MROH1: variants seen among roughly 807,000 people sequenced by gnomAD.
MROH1 encodes the protein maestro heat like repeat family member 1, also known as maestro heat-like repeat-containing protein family member 1.
MROH1 carries 117 observed loss-of-function variants against 116.5 expected under a neutral mutation model. The observed-to-expected ratio is 1.00, with a 90% CI of 0.86 to 1.17. MROH1 has a LOEUF of 1.17. MROH1 is among the 50% of genes most tolerant of loss of function. The pLI, the probability that MROH1 is intolerant of heterozygous loss-of-function variation, is 0.00. For missense variants in MROH1, 1,873 were observed against 1,338.5 expected (o/e 1.40, Z -6.23); for synonymous variants, 921 against 583.9 (o/e 1.58, Z -8.32).
intron 3 of MROH1, among the ~76,000 whole-genome samples, chr8:144,164,407 CAAAAAA>C (rs202061294): frequency 1.1e-5 from 1 of 93,678 alleles, no homozygotes; most frequent in Non-Finnish European, 2.3e-5. Flanking sequence ...TCGGTCCCCC[CAAAAAA>C]AAAAAAAAAA....
At chr8:144,231,277 A>T (rs1838831735) in intron 14 of MROH1, among the ~76,000 whole-genome samples, 1 of 151,922 alleles carries the variant, frequency 6.6e-6, no homozygotes, top group South Asian at 2.1e-4. Context: ...TTTCTATTCC[A>T]CAAAGCCGCC....
In MROH1 at chr8:144,191,895, C is replaced by T. The variant is rs199847015; in HGVS notation, c.855+40C>T. 6.3e-5 allele frequency: 102 copies of T among 1,610,310 alleles called. No homozygotes were observed. The African/African-American group carries it at 1.2e-3, about 19-fold the overall frequency. ...GGCAGGTCTACTGTCCCCGAGGACC[C>T]CTCCAATCAGACTCCCCGGGGGTGG... On this transcript the variant is annotated intron_variant, in intron 9 of 43. Transcript: ENST00000326134.
At position 144,180,654 on chromosome 8, in the gene MROH1, C is replaced by A. The variant is rs1195795310; in HGVS notation, c.562+131C>A. The A allele has an allele frequency of 4.7e-6, 4 of 857,530 alleles. No individual in the cohort carries two copies. In the East Asian group the frequency reaches 1.1e-4, roughly 23 times the overall value. 53.1% of individuals were successfully genotyped at this position (857,530 alleles called of 1,614,324 possible). A position where few individuals can be genotyped will look rare whatever the true frequency, so the allele number is the denominator to read the frequency against. On this transcript the variant is annotated intron_variant, in intron 7 of 43. Coordinates refer to ENST00000326134, the MANE Select transcript of MROH1 (RefSeq NM_032450.3). This position sits in a 1 kb window ranked among gnomAD's most constrained non-coding sequence, Gnocchi z 7.4. The stretch of plus-strand genomic sequence containing the variant: ...AAGGGGGGCTGTTGGAGGGAGGGGC[C>A]CCCTGGCTGAGGCTGCTGGCTGGTT...
chr8:144,244,040 G>T, intron 26 of MROH1, 98 bp downstream of exon 26: 1 of 721,730 alleles, frequency 1.4e-6, no homozygotes, highest in Non-Finnish European at 2.6e-6. Context: ...GCATGTGCGT[G>T]TGTGTGCCTG....
At chr8:144,220,829 T>C in intron 13 of MROH1, among the ~76,000 whole-genome samples, 156 bp downstream of exon 13, 1 of 152,192 alleles carries the variant, frequency 6.6e-6, no homozygotes, top group East Asian at 1.9e-4. Flanking sequence ...CCATTCAGTG[T>C]GTGGCTGGTG....
In MROH1 at chr8:144,199,609, T is replaced by C. The variant is rs377546145; in HGVS notation, c.1027+409T>C. 3.7e-4 allele frequency among the ~76,000 whole-genome samples: 57 copies of C among 152,298 alleles called. No individual in the cohort carries two copies. In the East Asian group the frequency reaches 9.6e-3, roughly 26 times the overall value. ...TCCCATGACCCACCTGGAGGTGCCA[T>C]GCATCCTGTCACCACCCCCACTGGA... On this transcript the variant is annotated intron_variant, in intron 11 of 43. Transcript: ENST00000326134.
chr8:144,179,145 G>A (rs547888270), intron 4 of MROH1, among the ~76,000 whole-genome samples: 1 of 152,180 alleles, frequency 6.6e-6, no homozygotes, highest in South Asian at 2.1e-4. Flanking sequence ...GGAGGTGGAA[G>A]GGTCCTGGGA....
rs949183580 is a variant in MROH1 at position 144,243,483 on chromosome 8, C to A, written c.2353-11C>A. Reference sequence around the variant, plus strand: ...GGCGTGGGCGTCTCCTGTAGCCCTGCGTCCCTGCAGGACCCAGCCCTGAAG... The same window carrying A: ...GGCGTGGGCGTCTCCTGTAGCCCTGAGTCCCTGCAGGACCCAGCCCTGAAG... On this transcript the variant is annotated splice_polypyrimidine_tract_variant and intron_variant, in intron 24 of 43. Transcript: ENST00000326134. 5.1e-6 allele frequency: 4 copies of A among 778,942 alleles called. No homozygotes were observed. The highest frequency in any genetic ancestry group is 2.6e-4 in the Middle Eastern group (1 of 3,900). 48.3% of individuals were successfully genotyped at this position (778,942 alleles called of 1,614,324 possible). A position where few individuals can be genotyped will look rare whatever the true frequency, so the allele number is the denominator to read the frequency against.
chr8:144,168,889 G>T (rs1821702151), intron 4 of MROH1, among the ~76,000 whole-genome samples: 1 of 152,218 alleles, frequency 6.6e-6, no homozygotes, highest in Non-Finnish European at 1.5e-5. Flanking sequence ...TCAGGGAGGG[G>T]CTGCCCAGGA....
At chr8:144,178,697 A>G (rs985648908) in intron 4 of MROH1, among the ~76,000 whole-genome samples, 4 of 152,196 alleles carry the variant, frequency 2.6e-5, no homozygotes, top group Non-Finnish European at 4.4e-5. Context: ...GGGAGGGGCC[A>G]TGGTGGGTGC....
At chr8:144,217,203 G>A (rs1232998204) in intron 12 of MROH1, among the ~76,000 whole-genome samples, 1 of 152,160 alleles carries the variant, frequency 6.6e-6, no homozygotes, top group Non-Finnish European at 1.5e-5. Flanking sequence ...ATTTAGTCAG[G>A]AGTGACAGGG....
intron 1 of MROH1, among the ~76,000 whole-genome samples, chr8:144,153,003 T>A (rs1817210380): frequency 6.6e-6 from 1 of 152,204 alleles, no homozygotes; most frequent in South Asian, 2.1e-4. Flanking sequence ...ATTGACCCTG[T>A]GACCAACATC....
rs1248283315 is a variant in MROH1, at chr8:144,234,518, T to G, written c.1339-4238T>G. On this transcript the variant is annotated intron_variant, in intron 14 of 43. Coordinates refer to ENST00000326134, the MANE Select transcript of MROH1 (RefSeq NM_032450.3). ...TTTTCGTTTTTTTTTTTTTTTTTTT[T>G]TTTTTTTTTTTTTTTTCAAAAAGAG... is the stretch of plus-strand genomic sequence containing the variant. 3.7e-4 allele frequency among the ~76,000 whole-genome samples: 33 copies of G among 89,898 alleles called. 1 individual carries two copies. Among genetic ancestry groups the G allele is most frequent in the African/African-American group, 1.2e-3 (30 of 24,194 alleles). The allele number at this position is 89,898 out of a possible 152,430, so 59.0% of individuals were successfully genotyped here. A position where few individuals can be genotyped will look rare whatever the true frequency, so the allele number is the denominator to read the frequency against.
At chr8:144,212,609 T>G (rs1054911956) in intron 12 of MROH1, among the ~76,000 whole-genome samples, 18 of 39,320 alleles carry the variant, frequency 4.6e-4, no homozygotes, top group African/African-American at 1.2e-3. Context: ...TTTTTTTTTT[T>G]GAGACAGTCT....
intron 12 of MROH1, among the ~76,000 whole-genome samples, chr8:144,218,179 TCATAAACAGGCCGCCCTG>T (rs1835695727): frequency 1.3e-5 from 2 of 152,122 alleles, no homozygotes; most frequent in Non-Finnish European, 2.9e-5. Context: ...CAGTTTGCTG[TCATAAACAGGCCGCCCTG>T]CATATGTCAG....
intron 35 of MROH1, 66 bp downstream of exon 35, chr8:144,255,771 C>A: frequency 1.4e-6 from 1 of 698,118 alleles, no homozygotes; most frequent in South Asian, 1.5e-5. Context: ...TGTGCACGCG[C>A]GTGGTGGGGG....
At chr8:144,156,708 C>A (rs1303338137) in intron 1 of MROH1, among the ~76,000 whole-genome samples, 1,294 of 56,162 alleles carry the variant, frequency 0.023, no homozygotes, top group Middle Eastern at 0.042. Context: ...GACTCTGTCT[C>A]AAAAAAAAAA....
At chr8:144,195,251 C>A (rs1216210896) in intron 10 of MROH1, among the ~76,000 whole-genome samples, 3 of 137,332 alleles carry the variant, frequency 2.2e-5, no homozygotes, top group Non-Finnish European at 4.6e-5. Flanking sequence ...CCTGTAATCC[C>A]AGCACTTTGG....
chr8:144,170,846 G>GGACA (rs1298746280), intron 4 of MROH1, among the ~76,000 whole-genome samples: 1 of 152,240 alleles, frequency 6.6e-6, no homozygotes, highest in African/African-American at 2.4e-5. Flanking sequence ...GTTCTGCACA[G>GGACA]GACAGACAGA....
Sources: gnomAD v4.1 joint callset for allele counts (sites outside exome capture counted in the v4.1 genomes callset) on GRCh38, gnomAD v4.1.1 for gene constraint, Gnocchi (gnomAD v3.1) non-coding constraint, MANE v1.5 for transcripts, NCBI Gene and HGNC (gene_info 2026-07-23, HGNC 2026-07-21) for gene names.